Variants in ANTXR1 observed in about 807,000 individuals in gnomAD.
ANTXR1 encodes the protein ANTXR cell adhesion molecule 1.
A neutral mutation model predicts 78.1 loss-of-function variants in ANTXR1; 19 were observed. That is an observed-to-expected ratio of 0.24 (90% CI 0.17 to 0.36). The LOEUF (loss-of-function observed/expected upper bound fraction) is 0.36, where lower values mean the gene tolerates loss of function less well. Ranked by LOEUF, ANTXR1 falls within the 10% of genes least tolerant of loss-of-function variation. ANTXR1 has a pLI of 1.00. For synonymous variants in ANTXR1, 273 were observed against 260.5 expected (o/e 1.05, Z -0.46); for missense variants, 518 against 718.6 (o/e 0.72, Z 3.19).
intron 8 of ANTXR1, among the ~76,000 whole-genome samples, chr2:69,085,774 T>C (rs1388652427): frequency 1.3e-5 from 2 of 152,056 alleles, no homozygotes; most frequent in Admixed American, 6.5e-5. Flanking sequence ...TACATTAAAA[T>C]GTGCATGGAT....
intron 12 of ANTXR1, among the ~76,000 whole-genome samples, chr2:69,140,275 TATTC>T (rs903733617): frequency 2.5e-4 from 38 of 152,354 alleles, no homozygotes; most frequent in African/African-American, 9.1e-4. Context: ...CTTCTGGTAT[TATTC>T]ATATAAGGCA....
chr2:69,145,406 G>A (rs753960534), intron 12 of ANTXR1: 2 of 1,578,836 alleles, frequency 1.3e-6, no homozygotes, highest in East Asian at 2.3e-5. Flanking sequence ...CCTCCGGACA[G>A]CACACTCCTG....
rs1454961597 is a variant in ANTXR1 at position 69,249,140 on chromosome 2, T to C, written c.*3655T>C. ...CAATGACAACCCTGGAAGTTGCTTT[T>C]TTTAAAAAAATAATAAATTTCTTAA... On this transcript the variant is annotated 3_prime_UTR_variant, in exon 18 of 18. Coordinates refer to ENST00000303714, the MANE Select transcript of ANTXR1 (RefSeq NM_032208.3). The C allele has an allele frequency of 1.3e-5, 2 of 152,154 alleles. No homozygotes were observed. The highest frequency in any genetic ancestry group is 2.9e-5 in the Non-Finnish European group (2 of 68,030). The allele number at this position is 152,154 out of a possible 1,614,324, so 9.4% of individuals were successfully genotyped here.
intron 14 of ANTXR1, among the ~76,000 whole-genome samples, chr2:69,171,561 C>T (rs1449717047): frequency 1.3e-5 from 2 of 152,184 alleles, no homozygotes; most frequent in African/African-American, 4.8e-5. Context: ...AATAACATTC[C>T]CTCCCTTGTT....
At chr2:69,099,470 A>G (rs7600244) in intron 9 of ANTXR1, among the ~76,000 whole-genome samples, 28,090 of 152,054 alleles carry the variant, frequency 0.18, 3,258 homozygotes, top group South Asian at 0.27. Flanking sequence ...CTAGGAATGG[A>G]ATTTGGGGGT....
At chr2:69,160,780 T>C (rs1013067514) in intron 13 of ANTXR1, among the ~76,000 whole-genome samples, 2 of 152,200 alleles carry the variant, frequency 1.3e-5, no homozygotes, top group Non-Finnish European at 2.9e-5. Context: ...TTCAAATTTA[T>C]TTTGACCCTA....
chr2:69,033,737 C>G (rs887514333), intron 1 of ANTXR1, among the ~76,000 whole-genome samples: 7 of 152,214 alleles, frequency 4.6e-5, no homozygotes, highest in African/African-American at 1.4e-4. Context: ...CTTAGAGCTG[C>G]TCTGCTCTTC....
chr2:69,071,911 C>T, intron 5 of ANTXR1, 124 bp downstream of exon 5: 1 of 909,034 alleles, frequency 1.1e-6, no homozygotes, highest in Non-Finnish European at 1.7e-6. Context: ...AATTCTTAGA[C>T]ACACATTTCA....
chr2:69,053,602 A>G (rs1158657516), intron 3 of ANTXR1, among the ~76,000 whole-genome samples: 2 of 152,206 alleles, frequency 1.3e-5, no homozygotes, highest in Non-Finnish European at 2.9e-5. Flanking sequence ...CTATTTCTAC[A>G]GTAATTTGGA....
chr2:69,248,206 G>A lies in ANTXR1; in HGVS notation c.*2721G>A, dbSNP rs1676064230. 6.6e-6 allele frequency: 1 copy of A among 152,350 alleles called. No homozygotes were observed. The highest frequency in any genetic ancestry group is 2.2e-4 in the South Asian group (1 of 4,520). 9.4% of individuals were successfully genotyped at this position (152,350 alleles called of 1,614,324 possible). A position where few individuals can be genotyped will look rare whatever the true frequency, so the allele number is the denominator to read the frequency against. ...TCAGCCCCCGTGTTATTGTCCTTTT[G>A]AACTGTTTTTTTTTTTATTAAAGCC... On this transcript the variant is annotated 3_prime_UTR_variant, in exon 18 of 18. Transcript: ENST00000303714.
chr2:69,183,652 C>T (rs1674341563), intron 16 of ANTXR1, among the ~76,000 whole-genome samples: 1 of 135,968 alleles, frequency 7.4e-6, no homozygotes, highest in Admixed American at 8.1e-5. Context: ...CCTGATAAAG[C>T]AGTCTGCCCA....
chr2:69,071,621 AG>A, intron 4 of ANTXR1, 132 bp from the exon 5 acceptor site: 1 of 867,386 alleles, frequency 1.2e-6, no homozygotes, highest in East Asian at 2.5e-5. Flanking sequence ...AATTGAGCAA[AG>A]CCTGGGTGAA....
chr2:69,046,102 C>T (rs1286144560), intron 3 of ANTXR1, among the ~76,000 whole-genome samples: 2 of 152,122 alleles, frequency 1.3e-5, no homozygotes, highest in Non-Finnish European at 2.9e-5. Context: ...TGATGCCACC[C>T]CTTATGCAGA....
intron 12 of ANTXR1, among the ~76,000 whole-genome samples, chr2:69,129,629 T>C (rs1672659283): frequency 6.6e-6 from 1 of 151,940 alleles, no homozygotes; most frequent in Non-Finnish European, 1.5e-5. Flanking sequence ...CGTGCACCTG[T>C]AATCCCAGCT....
At chr2:69,210,159 C>T (rs4464317) in intron 17 of ANTXR1, among the ~76,000 whole-genome samples, 55,298 of 152,038 alleles carry the variant, frequency 0.36, 11,624 homozygotes, top group East Asian at 0.78. Flanking sequence ...CTCTTTACAC[C>T]TGACTGTCCC....
At chr2:69,020,977 G>A (rs552690533) in intron 1 of ANTXR1, among the ~76,000 whole-genome samples, 8 of 152,224 alleles carry the variant, frequency 5.3e-5, no homozygotes, top group Non-Finnish European at 8.8e-5. Context: ...GTCCCAGGCT[G>A]TCAGGTTTTT....
intron 10 of ANTXR1, among the ~76,000 whole-genome samples, chr2:69,122,533 C>T (rs950372052): frequency 6.6e-6 from 1 of 152,196 alleles, no homozygotes; most frequent in African/African-American, 2.4e-5. Context: ...ATGATTCAGG[C>T]AGGAGCACTT....
chr2:69,082,935 G>C (rs1670941086), intron 8 of ANTXR1, among the ~76,000 whole-genome samples: 1 of 152,220 alleles, frequency 6.6e-6, no homozygotes, highest in Admixed American at 6.5e-5. Context: ...ACACAACTAT[G>C]TTTGCAAGGA....
intron 13 of ANTXR1, among the ~76,000 whole-genome samples, chr2:69,166,011 T>C (rs771494245): frequency 1.3e-5 from 2 of 152,174 alleles, no homozygotes; most frequent in Non-Finnish European, 2.9e-5. Context: ...AAAACCAAAA[T>C]AGTTCAACTT....
Sources: allele counts gnomAD v4.1 joint callset (sites outside exome capture counted in the v4.1 genomes callset), GRCh38; gene constraint gnomAD v4.1.1; transcripts MANE v1.5; gene names NCBI Gene and HGNC (gene_info 2026-07-23, HGNC 2026-07-21).